CNGB1: variants seen among roughly 807,000 people sequenced by gnomAD.
CNGB1 encodes the protein cyclic nucleotide gated channel subunit beta 1, also known as cyclic nucleotide-gated channel beta-1.
A neutral mutation model predicts 151.7 loss-of-function variants in CNGB1; 126 were observed. That is an observed-to-expected ratio of 0.83 (90% CI 0.72 to 0.96). The LOEUF (loss-of-function observed/expected upper bound fraction) is 0.96. CNGB1 is among the 40% of genes least tolerant of loss of function. The pLI is 0.00. For missense variants in CNGB1, 1,698 were observed against 1,627.0 expected, an observed-to-expected ratio of 1.04 and a Z score of -0.75; for synonymous variants, 623 against 635.1, an observed-to-expected ratio of 0.98 and a Z score of 0.29.
chr16:57,957,412 A>G, intron 11 of CNGB1, 35 bp from the exon 12 acceptor site: 1 of 1,606,182 alleles, frequency 6.2e-7, no homozygotes, highest in South Asian at 1.1e-5. Flanking sequence ...AAATCCTGCC[A>G]CGGCCTCTTC....
chr16:57,918,973 C>A (rs1442802489), intron 20 of CNGB1, 126 bp downstream of exon 20: 40 of 1,529,942 alleles, frequency 2.6e-5, no homozygotes, highest in Middle Eastern at 1.7e-4. Flanking sequence ...TATAAAAGAT[C>A]ATGAACCCAG....
At chr16:57,954,429 C>T (rs152139) in intron 12 of CNGB1, among the ~76,000 whole-genome samples, 108,796 of 152,030 alleles carry the variant, frequency 0.72, 39,862 homozygotes, top group East Asian at 0.84. Flanking sequence ...CCAGATTTTT[C>T]CATGTAAAGC....
chr16:57,888,171 GTGGTGATTTTGGC>G, intron 31 of CNGB1, 97 bp from the exon 32 acceptor site: 5 of 1,331,168 alleles, frequency 3.8e-6, no homozygotes, highest in Non-Finnish European at 4.2e-6. Context: ...CTGTGTAGTG[GTGGTGATTTTGGC>G]TGGTGATTGT....
intron 24 of CNGB1, 130 bp from the exon 25 acceptor site, chr16:57,912,005 G>A (rs1259766831): frequency 5.6e-6 from 7 of 1,261,104 alleles, no homozygotes; most frequent in African/African-American, 2.9e-5. Context: ...GCACCAGTTA[G>A]GAAGGGTGGT....
intron 18 of CNGB1, 56 bp downstream of exon 18, chr16:57,923,217 C>CA: frequency 6.2e-6 from 8 of 1,286,996 alleles, no homozygotes; most frequent in African/African-American, 1.5e-5. Flanking sequence ...AGCCCCCCCA[C>CA]ATCCCCCACC....
At chr16:57,961,135 C>T (rs1195956065) in intron 7 of CNGB1, among the ~76,000 whole-genome samples, 1 of 152,016 alleles carries the variant, frequency 6.6e-6, no homozygotes, top group Non-Finnish European at 1.5e-5. Context: ...TCTGGAACCA[C>T]AGCCATGGCC....
intron 14 of CNGB1, among the ~76,000 whole-genome samples, chr16:57,949,133 TG>T (rs377372607): frequency 2.5e-4 from 38 of 149,278 alleles, no homozygotes; most frequent in African/African-American, 9.4e-4. Context: ...CTAGTGTGTG[TG>T]GGGGGGGATG....
rs571576900 is a variant in CNGB1, at chr16:57,894,095, G to A, written c.3242+3302C>T. Among the ~76,000 whole-genome samples the A allele has an allele frequency of 1.4e-4, 22 of 152,232 alleles. No homozygotes were observed. The South Asian group carries it at 2.7e-3, about 19-fold the overall frequency. The stretch of plus-strand genomic sequence containing the variant: ...AACAATGCAAAATACGGATGCACAC[G>A]GTTATTCGTTGCACCACTGTTTGTA... On this transcript the variant is annotated intron_variant, in intron 31 of 32. Transcript: ENST00000251102.
chr16:57,918,966 A>G (rs489106), intron 20 of CNGB1, 133 bp downstream of exon 20: 520,293 of 1,507,032 alleles, frequency 0.35, 93,215 homozygotes, highest in East Asian at 0.57. Flanking sequence ...TGAAAGGTAT[A>G]AAAGATCATG....
At chr16:57,907,084 A>G (rs2149360088) in intron 25 of CNGB1, among the ~76,000 whole-genome samples, 1 of 152,340 alleles carries the variant, frequency 6.6e-6, no homozygotes, top group African/African-American at 2.4e-5. Flanking sequence ...GGTTCCCTGC[A>G]GGACGACATT....
chr16:57,945,194 C>T (rs1436535248), intron 14 of CNGB1, among the ~76,000 whole-genome samples: 7 of 152,152 alleles, frequency 4.6e-5, no homozygotes, highest in Non-Finnish European at 8.8e-5. Flanking sequence ...GCTTAATGCT[C>T]TGTTTCACTG....
At chr16:57,917,548 G>A in intron 20 of CNGB1, 72 bp from the exon 21 acceptor site, 1 of 1,488,732 alleles carries the variant, frequency 6.7e-7, no homozygotes, top group South Asian at 1.1e-5. Flanking sequence ...ATCAGGTAGG[G>A]TTTTGTTCTT....
chr16:57,914,389 T>G (rs1276744419), intron 23 of CNGB1, among the ~76,000 whole-genome samples: 1 of 152,204 alleles, frequency 6.6e-6, no homozygotes, highest in Non-Finnish European at 1.5e-5. Context: ...AGAGGCAGCT[T>G]CCATGCTCGA....
chr16:57,960,752 G>GT, intron 8 of CNGB1, 88 bp downstream of exon 8: 1 of 1,434,688 alleles, frequency 7.0e-7, no homozygotes, highest in Non-Finnish European at 9.7e-7. Context: ...GGTGGGTGGG[G>GT]ACAGCCTGCT....
chr16:57,930,002 T>C (rs1467132707), intron 17 of CNGB1, among the ~76,000 whole-genome samples: 1 of 152,172 alleles, frequency 6.6e-6, no homozygotes, highest in Non-Finnish European at 1.5e-5. Flanking sequence ...AATGGTATAG[T>C]CACTGTGGAA....
intron 11 of CNGB1, 98 bp downstream of exon 11, chr16:57,958,312 G>C (rs1198298917): frequency 9.1e-6 from 6 of 657,016 alleles, no homozygotes; most frequent in Non-Finnish European, 1.4e-5. Context: ...GGGGGAGCTG[G>C]GCTTCTGCCA....
intron 25 of CNGB1, among the ~76,000 whole-genome samples, chr16:57,907,433 T>A (rs553635629): frequency 4.6e-5 from 7 of 152,396 alleles, no homozygotes; most frequent in Admixed American, 6.5e-5. Flanking sequence ...CCCAGGTTAT[T>A]AACTCCTTTC....
chr16:57,957,251 A>T, intron 12 of CNGB1, 90 bp downstream of exon 12: 1 of 1,266,848 alleles, frequency 7.9e-7, no homozygotes, highest in Non-Finnish European at 1.2e-6. Context: ...CTGGCCAGGG[A>T]CAGCCCCCCT....
chr16:57,919,500 C>G (rs1047045988), intron 19 of CNGB1, among the ~76,000 whole-genome samples: 2 of 152,186 alleles, frequency 1.3e-5, no homozygotes, highest in Admixed American at 1.3e-4. Flanking sequence ...CAGTCTGGAA[C>G]TGCTTCTCAG....
Sources: gnomAD v4.1 joint callset for allele counts (sites outside exome capture counted in the v4.1 genomes callset) on GRCh38, gnomAD v4.1.1 for gene constraint, MANE v1.5 for transcripts, NCBI Gene and HGNC (gene_info 2026-07-23, HGNC 2026-07-21) for gene names.